Variants in GLIS3 observed in about 807,000 individuals in gnomAD.
GLIS3 encodes zinc finger protein GLIS3.
A neutral mutation model predicts 78.6 loss-of-function variants in GLIS3; 53 were observed. The observed-to-expected ratio is 0.67, with a 90% CI of 0.54 to 0.85. GLIS3 has a LOEUF of 0.85. GLIS3 is among the 40% of genes least tolerant of loss of function. The pLI is 0.00. For missense variants in GLIS3, 1,703 were observed against 1,231.1 expected, an observed-to-expected ratio of 1.38 and a Z score of -5.74; for synonymous variants, 684 against 509.9, an observed-to-expected ratio of 1.34 and a Z score of -4.60.
chr9:4,116,393 T>C (rs1831641076), intron 4 of GLIS3, among the ~76,000 whole-genome samples: 1 of 152,256 alleles, frequency 6.6e-6, no homozygotes. Flanking sequence ...AAAGTAATTA[T>C]TCTTTTCACT....
At chr9:3,831,022 G>T (rs1588044424) in intron 9 of GLIS3, among the ~76,000 whole-genome samples, 1 of 152,028 alleles carries the variant, frequency 6.6e-6, no homozygotes, top group Non-Finnish European at 1.5e-5. Flanking sequence ...ATACATACTG[G>T]CCCTCTAGGA....
chr9:3,991,729 C>G (rs7025933), intron 4 of GLIS3, among the ~76,000 whole-genome samples: 16 of 138,312 alleles, frequency 1.2e-4, no homozygotes, highest in Middle Eastern at 3.7e-3. Context: ...CTCACTCTGT[C>G]GCCCAGGCTG....
chr9:4,149,193 C>A (rs771002193), intron 2 of GLIS3, among the ~76,000 whole-genome samples: 2 of 152,148 alleles, frequency 1.3e-5, no homozygotes, highest in Admixed American at 6.5e-5. Context: ...TTAAAGTAAG[C>A]TTAATGGAAG....
chr9:4,401,367 C>A, the GLIS3 span, among the ~76,000 whole-genome samples: 1 of 151,784 alleles, frequency 6.6e-6, no homozygotes, highest in African/African-American at 2.4e-5. Flanking sequence ...TCAAGCGATT[C>A]TCCTGCCTCA....
chr9:4,183,839 G>C (rs1009855633), intron 2 of GLIS3, among the ~76,000 whole-genome samples: 1 of 152,128 alleles, frequency 6.6e-6, no homozygotes, highest in African/African-American at 2.4e-5. Context: ...TTACATGTCT[G>C]ACTTTCAATT....
At chr9:4,294,296 G>A (rs1041085272) in intron 1 of GLIS3, among the ~76,000 whole-genome samples, 1 of 152,166 alleles carries the variant, frequency 6.6e-6, no homozygotes, top group Non-Finnish European at 1.5e-5. Context: ...ATCACCTGAG[G>A]TCAGGAGTTC....
At chr9:4,469,741 C>G in the GLIS3 span, among the ~76,000 whole-genome samples, 1 of 152,056 alleles carries the variant, frequency 6.6e-6, no homozygotes, top group Non-Finnish European at 1.5e-5. Context: ...GAGGCAAGAC[C>G]AAACACATTC....
rs1213550155 is a variant in GLIS3 at position 4,202,121 on chromosome 9, G to C, written c.389-76180C>G. 2.0e-5 allele frequency among the ~76,000 whole-genome samples: 3 copies of C among 150,886 alleles called. No homozygotes were observed. The East Asian group carries it at 5.9e-4, about 30-fold the overall frequency. ...CCACTACAGTATAGCCTGGGTGACA[G>C]AGCAAGACTCTTTTTTTTCTCCCCC... is the stretch of plus-strand genomic sequence containing the variant. On this transcript the variant is annotated intron_variant, in intron 2 of 10. Transcript: ENST00000381971.
chr9:4,077,135 A>G (rs956426102), intron 4 of GLIS3, among the ~76,000 whole-genome samples: 1 of 152,228 alleles, frequency 6.6e-6, no homozygotes, highest in Non-Finnish European at 1.5e-5. Flanking sequence ...CACAGTCTAA[A>G]GCAATCCCCT....
chr9:4,224,511 A>C (rs1243884337), intron 2 of GLIS3, among the ~76,000 whole-genome samples: 1 of 152,038 alleles, frequency 6.6e-6, no homozygotes, highest in Non-Finnish European at 1.5e-5. Context: ...TCTGTGCTTC[A>C]CTATTTAACC....
chr9:3,833,217 C>CTA (rs1818149118), intron 9 of GLIS3, among the ~76,000 whole-genome samples: 1 of 152,152 alleles, frequency 6.6e-6, no homozygotes, highest in African/African-American at 2.4e-5. Flanking sequence ...TTTTATCACT[C>CTA]TAACAGCCAA....
intron 4 of GLIS3, among the ~76,000 whole-genome samples, chr9:3,991,836 G>A (rs376251308): frequency 4.0e-5 from 6 of 151,740 alleles, no homozygotes; most frequent in East Asian, 3.9e-4. Flanking sequence ...GACTACAGGC[G>A]CCTGCAACCA....
intron 4 of GLIS3, among the ~76,000 whole-genome samples, chr9:3,968,586 G>A (rs1311028974): frequency 1.3e-5 from 2 of 152,052 alleles, no homozygotes; most frequent in African/African-American, 2.4e-5. Context: ...GTATTTTTAT[G>A]TTCTCCATAG....
intron 2 of GLIS3, among the ~76,000 whole-genome samples, chr9:4,321,773 A>G (rs79781408): frequency 0.07 from 10,581 of 151,804 alleles, 487 homozygotes; most frequent in Middle Eastern, 0.12. Flanking sequence ...CAGTGGCATG[A>G]TCTCATCTTA....
At chr9:4,389,418 G>A in the GLIS3 span, among the ~76,000 whole-genome samples, 6 of 152,270 alleles carry the variant, frequency 3.9e-5, no homozygotes, top group African/African-American at 1.4e-4. Flanking sequence ...GAGGGAAGGG[G>A]ATTCATTTTG....
intron 1 of GLIS3, among the ~76,000 whole-genome samples, chr9:4,289,161 A>C (rs1051918569): frequency 6.6e-6 from 1 of 152,226 alleles, no homozygotes; most frequent in East Asian, 1.9e-4. Context: ...TCTACTTCTG[A>C]CAAATCATTT....
chr9:4,016,310 C>T (rs947963832), intron 4 of GLIS3, among the ~76,000 whole-genome samples: 1 of 152,204 alleles, frequency 6.6e-6, no homozygotes, highest in African/African-American at 2.4e-5. Context: ...GACTCCAAAA[C>T]TACTGAAATT....
chr9:4,357,936 G>A, the GLIS3 span, among the ~76,000 whole-genome samples: 1 of 152,194 alleles, frequency 6.6e-6, no homozygotes. Context: ...TCCACCATTA[G>A]AGGGTCATTA....
chr9:4,024,823 G>C (rs1823186720), intron 4 of GLIS3, among the ~76,000 whole-genome samples: 2 of 152,112 alleles, frequency 1.3e-5, no homozygotes, highest in African/African-American at 4.8e-5. Context: ...TCACAGATAT[G>C]ACCAATTTAG....
Sources: gnomAD v4.1 joint callset for allele counts (sites outside exome capture counted in the v4.1 genomes callset) on GRCh38, gnomAD v4.1.1 for gene constraint, MANE v1.5 for transcripts, NCBI Gene and HGNC (gene_info 2026-07-23, HGNC 2026-07-21) for gene names.